THNSL2: variants seen among roughly 807,000 people sequenced by gnomAD.
The protein encoded by THNSL2 is threonine synthase-like 2.
THNSL2 carries 34 observed loss-of-function variants against 40.0 expected under a neutral mutation model. The observed-to-expected ratio is 0.85, with a 90% CI of 0.65 to 1.13. The LOEUF (loss-of-function observed/expected upper bound fraction) is 1.13, where lower values mean the gene tolerates loss of function less well. Among genes scored for constraint, THNSL2 ranks in the 50% most tolerant of loss-of-function variants. THNSL2 has a pLI of 0.00. For missense variants in THNSL2, 537 were observed against 608.8 expected, an observed-to-expected ratio of 0.88 and a Z score of 1.24; for synonymous variants, 241 against 247.5, an observed-to-expected ratio of 0.97 and a Z score of 0.25.
intron 7 of THNSL2, 39 bp from the exon 8 acceptor site, chr2:88,185,289 C>A (rs2292869): frequency 0.15 from 237,679 of 1,581,226 alleles, 23,766 homozygotes; most frequent in East Asian, 0.49. Flanking sequence ...CCCTACATCC[C>A]CCCCCCACAC....
At position 88,178,961 on chromosome 2, in the gene THNSL2, C is replaced by A. The variant is rs769834550; in HGVS notation, c.750C>A (p.Pro250=). The A allele has an allele frequency of 6.2e-7, 1 of 1,614,242 alleles. No homozygotes were observed. The highest frequency in any genetic ancestry group is 1.3e-5 in the African/African-American group (1 of 75,056). ...FQCTPSLDTH[P]LPLVEVVVPT... ...GTACGCCATCCTTGGACACACATCC[C>A]CTACCCCTGGTGGAGGTGGTTGTGC... The change falls in exon 5 of 9, where the codon CCC becomes CCA. Residue 250 remains proline (P), a synonymous_variant. Coordinates refer to ENST00000674334, the MANE Select transcript of THNSL2 (RefSeq NM_018271.5).
intron 2 of THNSL2, 74 bp downstream of exon 2, chr2:88,173,447 C>G: frequency 8.5e-7 from 1 of 1,176,456 alleles, no homozygotes; most frequent in Admixed American, 2.9e-5. Context: ...AATCCATCAC[C>G]AAACCACTAG....
chr2:88,173,396 T>G, intron 2 of THNSL2, 23 bp downstream of exon 2: 1 of 1,553,266 alleles, frequency 6.4e-7, no homozygotes, highest in Non-Finnish European at 8.7e-7. Flanking sequence ...ACCTGTACTT[T>G]CACTCTTCCA....
chr2:88,177,764 T>G (rs1200449575), intron 4 of THNSL2, among the ~76,000 whole-genome samples: 1 of 152,226 alleles, frequency 6.6e-6, no homozygotes, highest in Non-Finnish European at 1.5e-5. Flanking sequence ...AATCTTTTTT[T>G]AGAACCCAGC....
intron 2 of THNSL2, among the ~76,000 whole-genome samples, chr2:88,174,401 C>T (rs778617164): frequency 2.0e-5 from 3 of 152,122 alleles, no homozygotes; most frequent in Non-Finnish European, 4.4e-5. Context: ...ATAAAGTCTT[C>T]TAGTACCAAT....
chr2:88,182,803 TC>T lies in THNSL2; in HGVS notation c.908del (p.Ser303LeufsTer34), dbSNP rs1312451620. 30 of 1,614,044 alleles carry T rather than the reference TC, an allele frequency of 1.9e-5. No homozygotes were observed. In the Admixed American group the frequency reaches 5.0e-4, roughly 27 times the overall value. On this transcript the variant is annotated frameshift_variant, in exon 6 of 9. Transcript: ENST00000674334. LOFTEE classifies it high-confidence loss of function. ...TGTCCAGCAGGGAGACTTCTCTCTCTCTGAGGCTGTTAAATCAACCTTGGCA... is the reference window on the plus strand; with the variant it reads ...TGTCCAGCAGGGAGACTTCTCTCTCTTGAGGCTGTTAAATCAACCTTGGCA... ...RTVQQGDFSL[S>X]EAVKSTLASA...
chr2:88,174,829 T>A lies in THNSL2; in HGVS notation c.414T>A (p.Val138=), dbSNP rs763629383. ...LEKREKHVTV[V]VGTSGDTGSA... ...AGAGGGAGAAGCACGTCACTGTGGT[T>A]GTAGGTGTGTTTTTGGGGCACAAAC... is the stretch of plus-strand genomic sequence containing the variant. Residue 138 remains valine, a synonymous_variant, in exon 3 of 9, where the codon GTT becomes GTA. Coordinates refer to ENST00000674334, the MANE Select transcript of THNSL2 (RefSeq NM_018271.5). 6.2e-6 allele frequency: 10 copies of A among 1,613,748 alleles called. 1 individual carries two copies. In the South Asian group the frequency reaches 1.1e-4, roughly 18 times the overall value.
At chr2:88,170,809 A>C (rs1046576416) in intron 1 of THNSL2, among the ~76,000 whole-genome samples, 2 of 151,728 alleles carry the variant, frequency 1.3e-5, no homozygotes, top group African/African-American at 2.4e-5. Context: ...AGCCTCAGAG[A>C]GCCCGGGGTC....
chr2:88,174,003 G>A (rs948890144), intron 2 of THNSL2, among the ~76,000 whole-genome samples: 6 of 152,222 alleles, frequency 3.9e-5, no homozygotes, highest in African/African-American at 1.4e-4. Flanking sequence ...TTGGGGAAGA[G>A]AAAGGACCAC....
intron 5 of THNSL2, among the ~76,000 whole-genome samples, chr2:88,181,690 G>A (rs1444394293): frequency 6.6e-6 from 1 of 151,854 alleles, no homozygotes; most frequent in Admixed American, 6.6e-5. Context: ...ACAGACTTGT[G>A]CAACTATCAC....
chr2:88,174,869 T>C (rs375967944), intron 3 of THNSL2, 36 bp downstream of exon 3: 1 of 1,605,204 alleles, frequency 6.2e-7, no homozygotes, highest in Non-Finnish European at 8.5e-7. Context: ...AATACCTGAG[T>C]GCTGTGACTG....
chr2:88,171,852 A>G (rs1676410951), intron 1 of THNSL2: 1 of 152,558 alleles, frequency 6.6e-6, no homozygotes. Context: ...CTTTCAAAAG[A>G]TTCATGGTTT....
Position 88,185,985 on chromosome 2 carries a change from G to A in THNSL2, c.1317G>A (p.Ala439=), listed in dbSNP as rs575193907. The change falls in exon 9 of 9, where the codon GCG becomes GCA. Residue 439 remains alanine (A), a synonymous_variant. Transcript: ENST00000674334. ...LAAGLTPETP[A]EIVALEHKET... The stretch of plus-strand genomic sequence containing the variant: ...CTGGCCTGACCCCTGAGACTCCCGC[G>A]GAGATCGTAGCCCTGGAGCACAAGG... 4.5e-5 allele frequency: 72 copies of A among 1,612,688 alleles called. No homozygotes were observed. The highest frequency in any genetic ancestry group is 1.5e-4 in the South Asian group (14 of 90,500).
intron 7 of THNSL2, among the ~76,000 whole-genome samples, chr2:88,184,397 AG>A (rs1219030583): frequency 6.6e-6 from 1 of 152,206 alleles, no homozygotes; most frequent in Non-Finnish European, 1.5e-5. Flanking sequence ...GCTAGGTGCT[AG>A]AAACACAAAG....
rs1373685320 is a variant in THNSL2, at chr2:88,183,079, TCACTACCCA to T, written c.1077+10_1077+18del. ...CCAAGGAACTGCACAGCAAGGTCAGTCACTACCCACACACCACAGAGAAAGGAAAGGGTA... is the reference window on the plus strand; with the variant it reads ...CCAAGGAACTGCACAGCAAGGTCAGTCACACCACAGAGAAAGGAAAGGGTA... On this transcript the variant is annotated splice_region_variant and intron_variant, in intron 7 of 8. Coordinates refer to ENST00000674334, the MANE Select transcript of THNSL2 (RefSeq NM_018271.5). 2 of 1,611,436 alleles carry T rather than the reference TCACTACCCA, an allele frequency of 1.2e-6. No individual in the cohort carries two copies. The highest frequency in any genetic ancestry group is 1.7e-6 in the Non-Finnish European group (2 of 1,178,974).
intron 5 of THNSL2, among the ~76,000 whole-genome samples, chr2:88,180,135 G>A (rs935831445): frequency 4.6e-5 from 7 of 152,216 alleles, no homozygotes; most frequent in African/African-American, 7.2e-5. Context: ...TGAGTCGTGC[G>A]GCCAGCCGCC....
At chr2:88,178,642 C>A in intron 4 of THNSL2, 141 bp from the exon 5 acceptor site, 1 of 742,918 alleles carries the variant, frequency 1.3e-6, no homozygotes, top group Admixed American at 2.3e-5. Context: ...GGCCAAGCTA[C>A]GTGAAAGTAA....
intron 7 of THNSL2, among the ~76,000 whole-genome samples, chr2:88,184,678 G>T (rs916484365): frequency 6.6e-6 from 1 of 152,000 alleles, no homozygotes; most frequent in Non-Finnish European, 1.5e-5. Flanking sequence ...TGAGGCAGGA[G>T]AATTGCTTGA....
At position 88,175,341 on chromosome 2, in the gene THNSL2, A is replaced by T. The variant is rs757594596; in HGVS notation, c.511A>T (p.Thr171Ser). 1.2e-6 allele frequency: 2 copies of T among 1,614,084 alleles called. No individual in the cohort carries two copies. The highest frequency in any genetic ancestry group is 2.7e-5 in the African/African-American group (2 of 74,934). The change falls in exon 4 of 9, where the codon ACA becomes TCA. Residue 171 changes from threonine (T) to serine (S), a missense_variant. Coordinates refer to ENST00000674334, the MANE Select transcript of THNSL2 (RefSeq NM_018271.5). ...CGTTCTGCTGCCCAAAGGTCACTGC[A>T]CAAAGATTCAGGAGCTCCAGATGAC... is the stretch of plus-strand genomic sequence containing the variant. ...IIVLLPKGHC[T>S]KIQELQMTTV...
Sources: allele counts gnomAD v4.1 joint callset (sites outside exome capture counted in the v4.1 genomes callset), GRCh38; gene constraint gnomAD v4.1.1; transcripts MANE v1.5; gene names NCBI Gene and HGNC (gene_info 2026-07-23, HGNC 2026-07-21).